Variants in PHLDB2 observed in about 807,000 individuals in gnomAD.
PHLDB2 encodes pleckstrin homology like domain family B member 2.
A neutral mutation model predicts 123.6 loss-of-function variants in PHLDB2; 71 were observed. That is an observed-to-expected ratio of 0.57 (90% CI 0.47 to 0.70). PHLDB2 has a LOEUF of 0.70. PHLDB2 is among the 30% of genes least tolerant of loss of function. The probability of loss-of-function intolerance (pLI) is 0.00; values close to 1 mark genes in which losing one functional copy is unlikely to be tolerated. For missense variants in PHLDB2, 1,446 were observed against 1,519.5 expected, an observed-to-expected ratio of 0.95 and a Z score of 0.80; for synonymous variants, 547 against 541.6, an observed-to-expected ratio of 1.01 and a Z score of -0.14.
In PHLDB2 at chr3:111,830,953, A is replaced by AAGAGAGAGAG. The variant is rs199823136; in HGVS notation, c.-48-14863_-48-14862insGAGAGAGAGA. Among the ~76,000 whole-genome samples, 232 of 84,676 alleles carry AAGAGAGAGAG rather than the reference A, an allele frequency of 2.7e-3. 6 individuals are homozygous for AAGAGAGAGAG. Among genetic ancestry groups the AAGAGAGAGAG allele is most frequent in the South Asian group, 4.6e-3 (11 of 2,374 alleles). 55.6% of individuals were successfully genotyped at this position (84,676 alleles called of 152,430 possible). A position where few individuals can be genotyped will look rare whatever the true frequency, so the allele number is the denominator to read the frequency against. ...AAGAAAGAAAAGAAGGAAAGAAAGA[A>AAGAGAGAGAG]AGAGAAAGAAAGAAAGAAAGAAAGA... On this transcript the variant is annotated intron_variant, in intron 1 of 17. Coordinates refer to the PHLDB2 transcript ENST00000393923.
intron 1 of PHLDB2, among the ~76,000 whole-genome samples, chr3:111,796,518 A>G (rs1385540362): frequency 6.6e-6 from 1 of 152,120 alleles, no homozygotes; most frequent in Non-Finnish European, 1.5e-5. Context: ...CAGAATAGCC[A>G]GTAGGAGATT....
rs1441030602 is a variant in PHLDB2 at position 111,939,593 on chromosome 3, A to C, written c.2249A>C (p.Glu750Ala). 10 of 1,613,544 alleles carry C rather than the reference A, an allele frequency of 6.2e-6. No homozygotes were observed. The highest frequency in any genetic ancestry group is 8.5e-6 in the Non-Finnish European group (10 of 1,179,822). ...AACTTGACTCAACAGCTCCTGCGTG[A>C]AGTTGCTGAATATCAACGGAACATC... The part of the protein sequence containing the change: ...KENLTQQLLR[E>A]VAEYQRNIVS... Residue 750 changes from glutamate to alanine, a missense_variant, in exon 7 of 18, where the codon GAA (glutamate) becomes GCA (alanine). Physicochemically the swap from Glu to Ala is moderately radical, Grantham distance 107 (BLOSUM62 -1). Around this residue, in one of 3 missense-constraint regions of PHLDB2, gnomAD observed 594 missense variants for 646.0 expected, o/e 0.92. Coordinates refer to ENST00000431670, the MANE Select transcript of PHLDB2 (RefSeq NM_001134438.2).
chr3:111,779,287 T>C (rs1368096444), intron 1 of PHLDB2, among the ~76,000 whole-genome samples: 1 of 152,038 alleles, frequency 6.6e-6, no homozygotes, highest in East Asian at 1.9e-4. Context: ...CTGGGGTACA[T>C]GTGCAGGTTT....
chr3:111,911,973 A>G (rs2067908668), intron 2 of PHLDB2, among the ~76,000 whole-genome samples: 1 of 152,242 alleles, frequency 6.6e-6, no homozygotes, highest in African/African-American at 2.4e-5. Context: ...TGTCTTTACA[A>G]ATTAGCTGCA....
At position 111,949,071 on chromosome 3, in the gene PHLDB2, A is replaced by T. The variant is rs764923328; in HGVS notation, c.2627A>T (p.Lys876Ile). ...GTGCTGGCGAGCCAGCCACAGAGTAAAGAGGTGTGTAGGCATGACGTTTCA... is the reference window on the plus strand; with the variant it reads ...GTGCTGGCGAGCCAGCCACAGAGTATAGAGGTGTGTAGGCATGACGTTTCA... ...TAVLASQPQS[K>I]EHFRSLEERK... The change falls in exon 10 of 18, where the codon AAA becomes ATA. Residue 876 changes from lysine (K) to isoleucine (I), a missense_variant. Around this residue, in one of 3 missense-constraint regions of PHLDB2, gnomAD observed 594 missense variants for 646.0 expected, o/e 0.92. Transcript: ENST00000431670. The T allele has an allele frequency of 1.9e-6, 3 of 1,613,628 alleles. No homozygotes were observed. The highest frequency in any genetic ancestry group is 2.7e-5 in the African/African-American group (2 of 74,920).
chr3:111,899,685 A>G (rs1407780339), intron 2 of PHLDB2, among the ~76,000 whole-genome samples: 1 of 152,218 alleles, frequency 6.6e-6, no homozygotes, highest in Admixed American at 6.5e-5. Context: ...AACAGAGTCA[A>G]CCTATCCTTT....
chr3:111,953,909 A>C (rs1362236248), intron 11 of PHLDB2, 21 bp from the exon 12 acceptor site: 3 of 1,601,258 alleles, frequency 1.9e-6, no homozygotes, highest in Non-Finnish European at 2.6e-6. Flanking sequence ...TGCCTGAAGT[A>C]CTCCCTCCTG....
intron 2 of PHLDB2, among the ~76,000 whole-genome samples, chr3:111,896,536 G>A (rs1024419194): frequency 5.3e-5 from 8 of 152,052 alleles, no homozygotes; most frequent in South Asian, 2.1e-4. Flanking sequence ...TAGTAGAGAC[G>A]GGGTTTCGCC....
At chr3:111,867,445 A>G (rs1470178715) in intron 1 of PHLDB2, among the ~76,000 whole-genome samples, 1 of 152,192 alleles carries the variant, frequency 6.6e-6, no homozygotes, top group Non-Finnish European at 1.5e-5. Context: ...AACAAAGATC[A>G]ATGTACTTAT....
At chr3:111,747,930 T>C (rs1322499419) in intron 1 of PHLDB2, among the ~76,000 whole-genome samples, 4 of 152,224 alleles carry the variant, frequency 2.6e-5, no homozygotes, top group Admixed American at 1.3e-4. Context: ...CCCTGGACCC[T>C]GATTCCCTGT....
Position 111,831,013 on chromosome 3 carries a change from G to GA in PHLDB2, c.-48-14805dup, listed in dbSNP as rs1418840967. 3.6e-3 allele frequency among the ~76,000 whole-genome samples: 367 copies of GA among 102,144 alleles called. 43 individuals carry two copies. Among genetic ancestry groups the GA allele is most frequent in the Non-Finnish European group, 5.0e-3 (268 of 53,186 alleles). 67.0% of individuals were successfully genotyped at this position (102,144 alleles called of 152,430 possible). On this transcript the variant is annotated intron_variant, in intron 1 of 17. Transcript: ENST00000393923. ...AGAAAGAAAGAAAGAAAGAAAGAAA[G>GA]AAAGAAAGAAAGAAAGAAAGGAAGG...
intron 6 of PHLDB2, among the ~76,000 whole-genome samples, chr3:111,937,055 T>C (rs1456450087): frequency 1.3e-5 from 2 of 152,242 alleles, no homozygotes; most frequent in East Asian, 3.8e-4. Context: ...ACATATTTTT[T>C]TGGAGCCAAA....
intron 1 of PHLDB2, among the ~76,000 whole-genome samples, chr3:111,780,400 G>GAAGAAGAAGAAGA (rs1559827492): frequency 5.3e-5 from 1 of 18,794 alleles, no homozygotes; most frequent in Non-Finnish European, 2.2e-4. Context: ...AGAAGAAGAA[G>GAAGAAGAAGAAGA]AAGAAGAAGA....
chr3:111,781,458 A>G (rs1181480922), intron 1 of PHLDB2, among the ~76,000 whole-genome samples: 1 of 152,006 alleles, frequency 6.6e-6, no homozygotes, highest in Non-Finnish European at 1.5e-5. Context: ...AGCTTGAACT[A>G]CTCATGTAAT....
chr3:111,916,015 C>A (rs1197845261), intron 3 of PHLDB2: 1 of 152,158 alleles, frequency 6.6e-6, no homozygotes, highest in African/African-American at 2.4e-5. Context: ...TGGAGATCTG[C>A]CAGTTTTTTG....
intron 3 of PHLDB2, chr3:111,915,193 T>C (rs557535881): frequency 6.6e-6 from 1 of 152,204 alleles, no homozygotes; most frequent in Non-Finnish European, 1.5e-5. Flanking sequence ...TCTTTTGTTA[T>C]AAGAGAAGGA....
chr3:111,752,898 GT>G (rs1487310380), intron 1 of PHLDB2, among the ~76,000 whole-genome samples: 19 of 151,782 alleles, frequency 1.3e-4, no homozygotes, highest in Non-Finnish European at 2.4e-4. Context: ...AATATGCGGT[GT>G]TTGGTTTTTT....
At chr3:111,739,852 G>A (rs952006012) in intron 1 of PHLDB2, among the ~76,000 whole-genome samples, 4 of 151,904 alleles carry the variant, frequency 2.6e-5, no homozygotes, top group Non-Finnish European at 5.9e-5. Context: ...CAAAAAGGCA[G>A]GTTTTTTTTT....
At chr3:111,920,633 A>G (rs866983643) in intron 5 of PHLDB2, among the ~76,000 whole-genome samples, 1 of 152,236 alleles carries the variant, frequency 6.6e-6, no homozygotes, top group Non-Finnish European at 1.5e-5. Context: ...CAGAGTTCAT[A>G]TAATTTGTGA....
Sources: allele counts gnomAD v4.1 joint callset (sites outside exome capture counted in the v4.1 genomes callset), GRCh38; gene constraint gnomAD v4.1.1; regional missense constraint gnomAD v4.1.1; transcripts MANE v1.5; gene names NCBI Gene and HGNC (gene_info 2026-07-23, HGNC 2026-07-21).